TRHDE: variants seen among roughly 807,000 people sequenced by gnomAD.
TRHDE encodes the protein thyrotropin-releasing hormone-degrading ectoenzyme.
Under a neutral mutation model 125.7 loss-of-function variants are expected in TRHDE, and 72 were observed. That is an observed-to-expected ratio of 0.57 (90% CI 0.47 to 0.70). TRHDE has a LOEUF of 0.70. Among genes scored for constraint, TRHDE ranks in the 30% least tolerant of loss-of-function variants. TRHDE has a pLI of 0.00. For missense variants in TRHDE, 1,110 were observed against 1,327.1 expected (o/e 0.84, Z 2.54); for synonymous variants, 509 against 509.1 (o/e 1.00, Z 0.00).
intron 1 of TRHDE, among the ~76,000 whole-genome samples, chr12:72,091,772 A>G (rs1272553653): frequency 6.6e-6 from 1 of 152,220 alleles, no homozygotes; most frequent in Non-Finnish European, 1.5e-5. Flanking sequence ...CGACCCAGGC[A>G]CAAGTGTTTC....
chr12:72,196,871 C>T (rs966825103), intron 2 of TRHDE, among the ~76,000 whole-genome samples: 9 of 152,096 alleles, frequency 5.9e-5, no homozygotes, highest in African/African-American at 2.2e-4. Flanking sequence ...CCAGATATTG[C>T]CCCATTTTTT....
Position 72,549,180 on chromosome 12 carries a change from AG to A in TRHDE, c.1788+6826del, listed in dbSNP as rs554510382. On this transcript the variant is annotated intron_variant, in intron 7 of 18. Transcript: ENST00000261180. ...TGCTCATAAAATTCTGATAGCCTGA[AG>A]GTAATGACAGGCACAAAGCCATAGG... 6.3e-4 allele frequency among the ~76,000 whole-genome samples: 96 copies of A among 151,974 alleles called. 1 individual carries two copies. Among genetic ancestry groups the A allele is most frequent in the African/African-American group, 2.2e-3 (92 of 41,536 alleles).
intron 2 of TRHDE, among the ~76,000 whole-genome samples, chr12:72,292,319 T>C (rs1443139406): frequency 6.6e-6 from 1 of 152,216 alleles, no homozygotes; most frequent in African/African-American, 2.4e-5. Context: ...TTTCTTACTA[T>C]GAGAATCATC....
intron 2 of TRHDE, among the ~76,000 whole-genome samples, chr12:72,131,385 T>C (rs527711554): frequency 2.0e-5 from 3 of 152,282 alleles, no homozygotes; most frequent in Non-Finnish European, 4.4e-5. Flanking sequence ...ACTTAATGTA[T>C]TTTAAGTTTA....
intron 2 of TRHDE, among the ~76,000 whole-genome samples, chr12:72,364,134 A>T (rs887241359): frequency 6.6e-6 from 1 of 152,094 alleles, no homozygotes; most frequent in African/African-American, 2.4e-5. Flanking sequence ...ATACAAACAA[A>T]TGGAAGAACA....
At chr12:72,265,408 G>C (rs1037030141) in intron 2 of TRHDE, among the ~76,000 whole-genome samples, 5 of 151,882 alleles carry the variant, frequency 3.3e-5, no homozygotes, top group Non-Finnish European at 7.4e-5. Flanking sequence ...AGAAAAAATG[G>C]TATGTTGGTG....
chr12:72,153,270 A>G (rs956149749), intron 2 of TRHDE, among the ~76,000 whole-genome samples: 25 of 151,978 alleles, frequency 1.6e-4, no homozygotes, highest in Non-Finnish European at 3.2e-4. Flanking sequence ...AATTGCGCCT[A>G]TTTGATTCTT....
In TRHDE at chr12:72,648,426, C is replaced by T. The variant is rs1486083526; in HGVS notation, c.2676-3896C>T. Among the ~76,000 whole-genome samples the T allele has an allele frequency of 5.9e-5, 9 of 151,990 alleles. No homozygotes were observed. In the East Asian group the frequency reaches 1.4e-3, roughly 23 times the overall value. ...AAAATAGGGATGAAAAAGAAATAAA[C>T]GGCATCCTAATTGAAAAGGGAGAAG... On this transcript the variant is annotated intron_variant, in intron 15 of 18. Transcript: ENST00000261180.
intron 1 of TRHDE, among the ~76,000 whole-genome samples, chr12:72,090,554 C>G (rs1430958448): frequency 6.6e-6 from 1 of 151,994 alleles, no homozygotes; most frequent in African/African-American, 2.4e-5. Flanking sequence ...GTTTTTATGC[C>G]TTTTGAATTT....
At chr12:72,595,037 C>T (rs1871869488) in intron 12 of TRHDE, among the ~76,000 whole-genome samples, 3 of 144,824 alleles carry the variant, frequency 2.1e-5, no homozygotes, top group African/African-American at 7.7e-5. Context: ...ACCGCATGTT[C>T]TCACTCATAG....
intron 3 of TRHDE, among the ~76,000 whole-genome samples, chr12:72,448,355 C>T (rs1875402422): frequency 6.6e-6 from 1 of 151,988 alleles, no homozygotes; most frequent in Non-Finnish European, 1.5e-5. Flanking sequence ...AGCAATAAGG[C>T]TCTATTTAGT....
intron 2 of TRHDE, among the ~76,000 whole-genome samples, chr12:72,106,348 T>A (rs955641806): frequency 6.6e-5 from 10 of 152,084 alleles, no homozygotes; most frequent in Non-Finnish European, 1.2e-4. Context: ...ACTAAAAAAT[T>A]ATTGTTAATT....
At chr12:72,350,823 A>G (rs1009008404) in intron 2 of TRHDE, among the ~76,000 whole-genome samples, 1 of 152,058 alleles carries the variant, frequency 6.6e-6, no homozygotes, top group African/African-American at 2.4e-5. Context: ...TAACATCCCT[A>G]GCGGTTTGGC....
At chr12:72,392,208 T>C (rs760926978) in intron 3 of TRHDE, among the ~76,000 whole-genome samples, 6 of 152,332 alleles carry the variant, frequency 3.9e-5, no homozygotes, top group Admixed American at 2.0e-4. Context: ...CTATGGTATT[T>C]TGTCACATAA....
At chr12:72,639,563 A>T (rs1873938895) in intron 15 of TRHDE, among the ~76,000 whole-genome samples, 1 of 151,742 alleles carries the variant, frequency 6.6e-6, no homozygotes, top group South Asian at 2.1e-4. Context: ...GTTCCTTTGG[A>T]GGAGGAGAGG....
chr12:72,634,259 G>A (rs1465492304), intron 15 of TRHDE, among the ~76,000 whole-genome samples: 1 of 152,070 alleles, frequency 6.6e-6, no homozygotes, highest in African/African-American at 2.4e-5. Flanking sequence ...AGAGGCTAAA[G>A]AATGAGAATA....
chr12:72,276,145 C>T (rs544054210), intron 1 of TRHDE, among the ~76,000 whole-genome samples: 26 of 152,266 alleles, frequency 1.7e-4, no homozygotes, highest in African/African-American at 5.8e-4. Flanking sequence ...CATTTTTAAA[C>T]AGACCCATAT....
intron 2 of TRHDE, among the ~76,000 whole-genome samples, chr12:72,347,716 C>T (rs567088379): frequency 2.6e-5 from 4 of 152,122 alleles, no homozygotes; most frequent in East Asian, 1.9e-4. Context: ...CCTCTCCATA[C>T]GGCAAATTAC....
chr12:72,228,690 C>G (rs183272850), intron 2 of TRHDE, among the ~76,000 whole-genome samples: 1 of 152,338 alleles, frequency 6.6e-6, no homozygotes, highest in East Asian at 1.9e-4. Flanking sequence ...TGAGTTCCAA[C>G]TCCAAACCAT....
Sources: allele counts gnomAD v4.1 joint callset (sites outside exome capture counted in the v4.1 genomes callset), GRCh38; gene constraint gnomAD v4.1.1; transcripts MANE v1.5; gene names NCBI Gene and HGNC (gene_info 2026-07-23, HGNC 2026-07-21).